The following VPS8 variants were observed in gnomAD, a reference collection of about 807,000 sequenced individuals.
The protein encoded by VPS8 is VPS8 subunit of CORVET complex.
VPS8 carries 129 observed loss-of-function variants against 216.4 expected under a neutral mutation model. That is an observed-to-expected ratio of 0.60 (90% CI 0.52 to 0.69). The LOEUF is 0.69. Ranked by LOEUF, VPS8 falls within the 30% of genes least tolerant of loss-of-function variation. VPS8 has a pLI of 0.00. For missense variants in VPS8, 1,531 were observed against 1,683.5 expected (o/e 0.91, Z 1.59); for synonymous variants, 571 against 565.4 (o/e 1.01, Z -0.14).
rs372084583 is a variant in VPS8 at position 184,849,131 on chromosome 3, C to G, written c.602C>G (p.Ala201Gly). Reference protein sequence around the residue: ...GSTSVGGQYGAISALSINNDC... With the variant: ...GSTSVGGQYGGISALSINNDC... ...ACTAGTGTTGGAGGTCAGTATGGCGCTATCTCTGCCCTCAGTATCAACAAT... is the reference window on the plus strand; with the variant it reads ...ACTAGTGTTGGAGGTCAGTATGGCGGTATCTCTGCCCTCAGTATCAACAAT... The change falls in exon 9 of 48, where the codon GCT becomes GGT. Residue 201 changes from alanine (A) to glycine (G), a missense_variant. Ala to Gly is a moderately conservative substitution (Grantham distance 60). Coordinates refer to ENST00000625842, the MANE Select transcript of VPS8 (RefSeq NM_001009921.3). 6.2e-7 allele frequency: 1 copy of G among 1,613,514 alleles called. No individual in the cohort carries two copies. The highest frequency in any genetic ancestry group is 1.3e-5 in the African/African-American group (1 of 74,902).
At chr3:185,017,298 G>A (rs753932279) in intron 45 of VPS8, among the ~76,000 whole-genome samples, 42 of 152,114 alleles carry the variant, frequency 2.8e-4, no homozygotes, top group Non-Finnish European at 1.9e-4. Flanking sequence ...GTGCTATAGA[G>A]AAATGATTGA....
intron 18 of VPS8, 141 bp downstream of exon 18, chr3:184,868,200 T>A: frequency 2.5e-6 from 2 of 790,596 alleles, no homozygotes; most frequent in Non-Finnish European, 2.0e-6. Flanking sequence ...AGCTGTTAGG[T>A]ACTTGATTTG....
intron 46 of VPS8, among the ~76,000 whole-genome samples, chr3:185,034,050 C>T (rs528973883): frequency 5.3e-5 from 8 of 152,168 alleles, no homozygotes; most frequent in East Asian, 1.9e-4. Context: ...TAGTACCCCC[C>T]ACCCTCTAGT....
intron 19 of VPS8, 102 bp downstream of exon 19, chr3:184,869,138 T>A: frequency 9.0e-7 from 1 of 1,116,816 alleles, no homozygotes; most frequent in Admixed American, 2.3e-5. Flanking sequence ...AGTGTCGAAG[T>A]GTTTATAAAC....
Position 184,883,430 on chromosome 3 carries a change from A to G in VPS8, c.1735-2680A>G, listed in dbSNP as rs73885611. ...AGATTGTACTTAACTTCTTCCTTCT[A>G]ACACCTCTTCCCACATTTCTTATGT... On this transcript the variant is annotated intron_variant, in intron 21 of 47. Transcript: ENST00000625842. Among the ~76,000 whole-genome samples, 381 of 152,272 alleles carry G rather than the reference A, an allele frequency of 2.5e-3. 1 individual carries two copies. The highest frequency in any genetic ancestry group is 8.8e-3 in the African/African-American group (364 of 41,574).
rs756590036 is a variant in VPS8, at chr3:184,824,723, G to C, written c.91G>C (p.Ala31Pro). The change falls in exon 2 of 48, where the codon GCT becomes CCT. Residue 31 changes from alanine (A) to proline (P), a missense_variant. This residue lies in a region of VPS8 where 199 missense variants were observed against 182.2 expected (regional missense o/e 1.09). Coordinates refer to ENST00000625842, the MANE Select transcript of VPS8 (RefSeq NM_001009921.3). ...GCTGAATAAGTCTTTCAATCTAGAAGCTTCACTTTCAAAATTCTCTTACAT... is the reference window on the plus strand; with the variant it reads ...GCTGAATAAGTCTTTCAATCTAGAACCTTCACTTTCAAAATTCTCTTACAT... Reference protein sequence around the residue: ...EELNKSFNLEASLSKFSYIDM... With the variant: ...EELNKSFNLEPSLSKFSYIDM... 3 of 1,613,752 alleles carry C rather than the reference G, an allele frequency of 1.9e-6. No homozygotes were observed. Among genetic ancestry groups the C allele is most frequent in the South Asian group, 1.1e-5 (1 of 91,052 alleles).
At chr3:184,985,919 G>A (rs1005013490) in intron 42 of VPS8, among the ~76,000 whole-genome samples, 2 of 152,200 alleles carry the variant, frequency 1.3e-5, no homozygotes, top group Non-Finnish European at 2.9e-5. Context: ...TCAAGACATA[G>A]AGACGAGGAG....
chr3:184,955,535 G>A (rs953888820), intron 36 of VPS8, among the ~76,000 whole-genome samples: 39 of 151,328 alleles, frequency 2.6e-4, no homozygotes, highest in African/African-American at 8.8e-4. Context: ...ACGCCCAGTC[G>A]TTTGAGGCCA....
chr3:184,863,181 G>GC, intron 16 of VPS8, 114 bp downstream of exon 16: 2 of 1,311,728 alleles, frequency 1.5e-6, no homozygotes, highest in South Asian at 1.5e-5. Flanking sequence ...CTGTCTTGAG[G>GC]TGTTTCTTTA....
intron 45 of VPS8, among the ~76,000 whole-genome samples, chr3:185,013,892 G>A (rs977747503): frequency 9.2e-5 from 14 of 152,152 alleles, no homozygotes; most frequent in Admixed American, 6.5e-4. Context: ...CATGGGAATC[G>A]TTGTGCAGCA....
intron 45 of VPS8, among the ~76,000 whole-genome samples, chr3:185,003,939 G>A (rs549273998): frequency 4.7e-5 from 7 of 150,082 alleles, no homozygotes; most frequent in Middle Eastern, 6.9e-3. Flanking sequence ...GGGCAGAGGC[G>A]CTCCCCACAT....
At position 185,040,703 on chromosome 3, in the gene VPS8, G is replaced by C. The variant is rs1759500985; in HGVS notation, c.4057-7776G>C. ...CATAAACTTTTTTAGCAGCCATTTTGCATGGTTGATTCACAGCTAACATAC... is the reference window on the plus strand; with the variant it reads ...CATAAACTTTTTTAGCAGCCATTTTCCATGGTTGATTCACAGCTAACATAC... On this transcript the variant is annotated intron_variant, in intron 46 of 47. Transcript: ENST00000625842. Among the ~76,000 whole-genome samples the C allele has an allele frequency of 2.0e-5, 3 of 152,098 alleles. No homozygotes were observed. In the South Asian group the frequency reaches 6.2e-4, roughly 31 times the overall value.
At position 184,812,438 on chromosome 3, in the gene VPS8, C is replaced by T. The variant is rs144227277; in HGVS notation, c.-89+213C>T. The T allele has an allele frequency of 5.9e-3, 904 of 152,330 alleles. 2 individuals are homozygous for T. The highest frequency in any genetic ancestry group is 9.7e-3 in the Non-Finnish European group (659 of 68,042). The allele number at this position is 152,330 out of a possible 1,614,324, so 9.4% of individuals were successfully genotyped here. A position where few individuals can be genotyped will look rare whatever the true frequency, so the allele number is the denominator to read the frequency against. On this transcript the variant is annotated intron_variant, in intron 1 of 47. Transcript: ENST00000625842. ...CGGGGTTGATTCTCGAGTGGAGGGG[C>T]GTGTCGTACGTTGGCCCGGAACTGG... is the stretch of plus-strand genomic sequence containing the variant.
At chr3:184,856,770 C>T (rs542492249) in intron 14 of VPS8, among the ~76,000 whole-genome samples, 8 of 152,298 alleles carry the variant, frequency 5.3e-5, no homozygotes, top group African/African-American at 1.9e-4. Context: ...TTGCCTCTGC[C>T]AGGAAAGTTC....
intron 40 of VPS8, among the ~76,000 whole-genome samples, chr3:184,976,428 A>G (rs1475447644): frequency 6.6e-6 from 1 of 150,742 alleles, no homozygotes; most frequent in Non-Finnish European, 1.5e-5. Flanking sequence ...CTTCCCCCCA[A>G]CTTTTATTTT....
chr3:184,818,053 G>A (rs1560236954), intron 1 of VPS8, among the ~76,000 whole-genome samples: 1 of 152,090 alleles, frequency 6.6e-6, no homozygotes, highest in Non-Finnish European at 1.5e-5. Flanking sequence ...GAAAGGAAAG[G>A]GAAGGTGAAT....
In VPS8 at chr3:184,996,633, C is replaced by T. The variant is rs138010837; in HGVS notation, c.3836+132C>T. The T allele has an allele frequency of 8.5e-5, 87 of 1,023,912 alleles. 1 individual carries two copies. The East Asian group carries it at 2.1e-3, about 25-fold the overall frequency. 63.4% of individuals were successfully genotyped at this position (1,023,912 alleles called of 1,614,324 possible). ...ATAGGCAAGTTCCTGCCCTCACAGA[C>T]CTTACATTCTGCATTGGGGTGGAGG... On this transcript the variant is annotated intron_variant, in intron 44 of 47. Coordinates refer to ENST00000625842, the MANE Select transcript of VPS8 (RefSeq NM_001009921.3).
chr3:185,024,189 C>T (rs1184083452), intron 45 of VPS8, 147 bp from the exon 46 acceptor site: 49 of 731,018 alleles, frequency 6.7e-5, no homozygotes, highest in Non-Finnish European at 9.4e-5. Flanking sequence ...GGGGACTTAA[C>T]ACAAAATCTA....
chr3:184,853,793 G>T (rs987812412), intron 11 of VPS8, 64 bp from the exon 12 acceptor site: 2 of 1,525,916 alleles, frequency 1.3e-6, no homozygotes, highest in South Asian at 2.4e-5. Context: ...AGTAGTCCAG[G>T]TAGAGATAGT....
Sources: allele counts gnomAD v4.1 joint callset (sites outside exome capture counted in the v4.1 genomes callset), GRCh38; gene constraint gnomAD v4.1.1; regional missense constraint gnomAD v4.1.1; transcripts MANE v1.5; gene names NCBI Gene and HGNC (gene_info 2026-07-23, HGNC 2026-07-21).